Variants in EYS observed in about 807,000 individuals in gnomAD.
The protein encoded by EYS is protein eyes shut homolog.
A neutral mutation model predicts 282.1 loss-of-function variants in EYS; 250 were observed. That is an observed-to-expected ratio of 0.89 (90% CI 0.80 to 0.98). The LOEUF (loss-of-function observed/expected upper bound fraction) is 0.98. Ranked by LOEUF, EYS falls within the 50% of genes least tolerant of loss-of-function variation. The pLI is 0.00. For missense variants in EYS, 4,016 were observed against 3,709.0 expected, an observed-to-expected ratio of 1.08 and a Z score of -2.15; for synonymous variants, 1,355 against 1,282.9, an observed-to-expected ratio of 1.06 and a Z score of -1.20.
At chr6:64,001,408 T>C (rs1768087521) in intron 33 of EYS, among the ~76,000 whole-genome samples, 2 of 152,220 alleles carry the variant, frequency 1.3e-5, no homozygotes, top group South Asian at 4.1e-4. Flanking sequence ...AATCAAATAC[T>C]CAAGTTGCGT....
Position 64,286,201 on chromosome 6 carries a change from T to C in EYS, c.6191+20769A>G, listed in dbSNP as rs1768494732. On this transcript the variant is annotated intron_variant, in intron 30 of 42. Coordinates refer to ENST00000503581, the MANE Select transcript of EYS (RefSeq NM_001142800.2). ...TCTACAACTACCCTAAATGAAGACC[T>C]GGAGTAGTGAGGGATGACCAAGAAG... Among the ~76,000 whole-genome samples, 3 of 152,096 alleles carry C rather than the reference T, an allele frequency of 2.0e-5. No individual in the cohort carries two copies. The South Asian group carries it at 6.2e-4, about 32-fold the overall frequency.
intron 26 of EYS, among the ~76,000 whole-genome samples, chr6:64,449,673 C>A (rs1582767608): frequency 6.6e-6 from 1 of 152,188 alleles, no homozygotes; most frequent in Non-Finnish European, 1.5e-5. Context: ...AGAAACTCTA[C>A]AAGCCAGAAG....
At chr6:64,688,476 T>G (rs1232373266) in intron 22 of EYS, among the ~76,000 whole-genome samples, 1 of 152,212 alleles carries the variant, frequency 6.6e-6, no homozygotes, top group Non-Finnish European at 1.5e-5. Flanking sequence ...TTCATTTTGT[T>G]ATGTACCCAG....
intron 2 of EYS, among the ~76,000 whole-genome samples, 173 bp from the exon 3 acceptor site, chr6:65,496,166 A>G (rs1258943775): frequency 6.6e-6 from 1 of 152,130 alleles, no homozygotes; most frequent in Non-Finnish European, 1.5e-5. Flanking sequence ...CTAACCTAGA[A>G]TGAGTCTTCT....
intron 14 of EYS, among the ~76,000 whole-genome samples, chr6:64,964,769 C>T (rs985953322): frequency 1.4e-4 from 21 of 152,240 alleles, no homozygotes; most frequent in African/African-American, 4.6e-4. Flanking sequence ...CAGTTGCTCA[C>T]ACCTGTAATC....
chr6:65,600,616 G>A (rs758857621), intron 2 of EYS, among the ~76,000 whole-genome samples: 1 of 151,920 alleles, frequency 6.6e-6, no homozygotes, highest in South Asian at 2.1e-4. Flanking sequence ...ACAAGTTCCT[G>A]GTAATTTACG....
intron 35 of EYS, among the ~76,000 whole-genome samples, chr6:63,875,887 G>A (rs981175993): frequency 1.1e-4 from 16 of 151,794 alleles, no homozygotes; most frequent in Non-Finnish European, 2.1e-4. Flanking sequence ...TCTTGCTAGC[G>A]GTCTATCAAT....
chr6:64,366,156 G>C (rs111391547), intron 29 of EYS, among the ~76,000 whole-genome samples: 48 of 151,890 alleles, frequency 3.2e-4, no homozygotes, highest in African/African-American at 7.3e-4. Flanking sequence ...GTGAAGTGAA[G>C]TTTTCTTTCC....
At chr6:64,775,201 A>G (rs1165046982) in intron 22 of EYS, among the ~76,000 whole-genome samples, 1 of 151,934 alleles carries the variant, frequency 6.6e-6, no homozygotes, top group Non-Finnish European at 1.5e-5. Context: ...GACAAACAAA[A>G]CAAGTGTGGT....
chr6:65,549,897 G>A (rs967952956), intron 2 of EYS, among the ~76,000 whole-genome samples: 1 of 152,170 alleles, frequency 6.6e-6, no homozygotes, highest in Non-Finnish European at 1.5e-5. Flanking sequence ...GGAGATCGAT[G>A]TTCCACCATA....
chr6:65,247,636 T>G (rs753789470), intron 12 of EYS, among the ~76,000 whole-genome samples: 2 of 152,054 alleles, frequency 1.3e-5, no homozygotes, highest in Non-Finnish European at 2.9e-5. Context: ...ATGATCTCAC[T>G]ATGCATTCTA....
At chr6:64,945,266 C>T (rs13220767) in intron 15 of EYS, among the ~76,000 whole-genome samples, 37,304 of 151,762 alleles carry the variant, frequency 0.25, 5,778 homozygotes, top group African/African-American at 0.43. Flanking sequence ...TACATAAACA[C>T]CTACTCAGAA....
At chr6:64,024,852 G>A (rs547224135) in intron 33 of EYS, among the ~76,000 whole-genome samples, 4 of 152,200 alleles carry the variant, frequency 2.6e-5, no homozygotes, top group Non-Finnish European at 2.9e-5. Flanking sequence ...AACTCCCGAC[G>A]CGCCACCCTA....
chr6:65,196,972 C>T (rs1436776188), intron 12 of EYS, among the ~76,000 whole-genome samples: 1 of 152,042 alleles, frequency 6.6e-6, no homozygotes, highest in Admixed American at 6.6e-5. Context: ...AGAAAGATAA[C>T]ATCATCAGGC....
At chr6:65,360,176 C>T (rs1183067413) in intron 8 of EYS, among the ~76,000 whole-genome samples, 1 of 151,754 alleles carries the variant, frequency 6.6e-6, no homozygotes, top group East Asian at 1.9e-4. Context: ...TTCACTTATC[C>T]TTCTGAAGTT....
At chr6:64,146,997 A>C (rs1774540671) in intron 31 of EYS, among the ~76,000 whole-genome samples, 1 of 152,140 alleles carries the variant, frequency 6.6e-6, no homozygotes. Flanking sequence ...TAAGGTCTGA[A>C]TGTGCATTTG....
At chr6:65,652,407 G>C (rs564978535) in intron 1 of EYS, among the ~76,000 whole-genome samples, 1 of 152,008 alleles carries the variant, frequency 6.6e-6, no homozygotes, top group Non-Finnish European at 1.5e-5. Context: ...AAGGAGGATA[G>C]GGAGGAGGAG....
At chr6:63,774,155 T>C (rs1336737908) in intron 40 of EYS, among the ~76,000 whole-genome samples, 1 of 152,068 alleles carries the variant, frequency 6.6e-6, no homozygotes, top group Non-Finnish European at 1.5e-5. Context: ...GTAAGTTTTG[T>C]TTTTCCTACA....
At chr6:64,994,823 C>T (rs1771192352) in intron 14 of EYS, among the ~76,000 whole-genome samples, 2 of 151,922 alleles carry the variant, frequency 1.3e-5, no homozygotes, top group Admixed American at 1.3e-4. Flanking sequence ...CAATAGTATA[C>T]TATTTATTCA....
Sources: allele counts gnomAD v4.1 joint callset (sites outside exome capture counted in the v4.1 genomes callset), GRCh38; gene constraint gnomAD v4.1.1; transcripts MANE v1.5; gene names NCBI Gene and HGNC (gene_info 2026-07-23, HGNC 2026-07-21).